The following NBAS variants were observed in gnomAD, a reference collection of about 807,000 sequenced individuals.
The protein encoded by NBAS is NAG/BC035112 fusion.
Under a neutral mutation model 302.5 loss-of-function variants are expected in NBAS, and 219 were observed. The ratio of observed to expected loss-of-function variants is 0.72; its 90% confidence interval spans 0.65 to 0.81. The LOEUF (loss-of-function observed/expected upper bound fraction) is 0.81. Ranked by LOEUF, NBAS falls within the 30% of genes least tolerant of loss-of-function variation. The probability of loss-of-function intolerance (pLI) is 0.00; values close to 1 mark genes in which losing one functional copy is unlikely to be tolerated. For synonymous variants in NBAS, 1,118 were observed against 1,021.6 expected, an observed-to-expected ratio of 1.09 and a Z score of -1.80; for missense variants, 2,932 against 2,841.6, an observed-to-expected ratio of 1.03 and a Z score of -0.72.
chr2:15,234,686 T>C lies in NBAS; in HGVS notation c.6005A>G (p.His2002Arg), dbSNP rs1041923869. Reference sequence around the variant, plus strand: ...TAAACAAATAGCCACAGCTTCATCATGAAGTTTCTCTTTTTCTGATCGGGA... The same window carrying C: ...TAAACAAATAGCCACAGCTTCATCACGAAGTTTCTCTTTTTCTGATCGGGA... Reference protein sequence around the residue: ...DLSRSEKEKLHDEAVAICLDG... With the variant: ...DLSRSEKEKLRDEAVAICLDG... The change falls in exon 46 of 52, where the codon CAT becomes CGT. Residue 2002 changes from histidine to arginine, a missense_variant. His to Arg is a conservative substitution (Grantham distance 29). Transcript: ENST00000281513. The C allele has an allele frequency of 3.1e-6, 5 of 1,614,084 alleles. No individual in the cohort carries two copies. The highest frequency in any genetic ancestry group is 1.6e-4 in the Middle Eastern group (1 of 6,084).
chr2:15,209,408 AGAG>A (rs1478840089), intron 48 of NBAS, among the ~76,000 whole-genome samples: 38 of 152,284 alleles, frequency 2.5e-4, no homozygotes, highest in Admixed American at 2.2e-3. Context: ...TCCAAACAAT[AGAG>A]GAGGAGGAAA....
intron 34 of NBAS, among the ~76,000 whole-genome samples, chr2:15,352,542 A>C (rs1673414019): frequency 6.6e-6 from 1 of 152,214 alleles, no homozygotes; most frequent in African/African-American, 2.4e-5. Context: ...CCTTTGGCTT[A>C]GAGCTTTACA....
At chr2:14,837,897 G>A in the NBAS span, among the ~76,000 whole-genome samples, 14 of 151,808 alleles carry the variant, frequency 9.2e-5, no homozygotes, top group South Asian at 2.1e-3. Flanking sequence ...ATTTACGCTA[G>A]TCTCCTACTG....
At chr2:15,310,913 A>G (rs1671245727) in intron 38 of NBAS, among the ~76,000 whole-genome samples, 1 of 152,212 alleles carries the variant, frequency 6.6e-6, no homozygotes, top group Non-Finnish European at 1.5e-5. Flanking sequence ...TTAGAACAAC[A>G]ACTACAACAA....
At chr2:14,811,038 A>G in the NBAS span, among the ~76,000 whole-genome samples, 1 of 152,172 alleles carries the variant, frequency 6.6e-6, no homozygotes, top group East Asian at 1.9e-4. Flanking sequence ...TTTCCCTGAC[A>G]TGGAGTGGGA....
At chr2:14,857,384 G>GA in the NBAS span, among the ~76,000 whole-genome samples, 6 of 151,234 alleles carry the variant, frequency 4.0e-5, no homozygotes, top group East Asian at 1.9e-4. Context: ...AAGCAAAAAA[G>GA]AAAAAAAATG....
Position 15,323,437 on chromosome 2 carries a change from GAGTTA to G in NBAS, c.4582+4308_4582+4312del, listed in dbSNP as rs531808418. Among the ~76,000 whole-genome samples, 111 of 152,322 alleles carry G rather than the reference GAGTTA, an allele frequency of 7.3e-4. No individual in the cohort carries two copies. In the South Asian group the frequency reaches 0.011, roughly 15 times the overall value. ...TGTGCTGCCTGGTGAGAAGCTCAGA[GAGTTA>G]AGTCTCAGTATGAAGAATGGACACA... On this transcript the variant is annotated intron_variant, in intron 38 of 51. Coordinates refer to ENST00000281513, the MANE Select transcript of NBAS (RefSeq NM_015909.4).
chr2:14,858,167 A>G, the NBAS span, among the ~76,000 whole-genome samples: 1 of 152,138 alleles, frequency 6.6e-6, no homozygotes, highest in African/African-American at 2.4e-5. Flanking sequence ...TCAGGCAATA[A>G]CAAATACTGG....
the NBAS span, among the ~76,000 whole-genome samples, chr2:15,114,931 G>C: frequency 7.2e-5 from 11 of 152,204 alleles, no homozygotes; most frequent in Admixed American, 2.6e-4. Flanking sequence ...AGCTAAAGGG[G>C]TTAGAAGTGG....
the NBAS span, among the ~76,000 whole-genome samples, chr2:15,011,029 T>C: frequency 1.3e-5 from 2 of 152,252 alleles, no homozygotes; most frequent in Non-Finnish European, 2.9e-5. Context: ...TTTATTGTTG[T>C]TGCTATTGTT....
intron 44 of NBAS, among the ~76,000 whole-genome samples, chr2:15,244,848 C>T (rs892505118): frequency 6.6e-6 from 1 of 152,088 alleles, no homozygotes; most frequent in Non-Finnish European, 1.5e-5. Context: ...ACATCTTATC[C>T]GCTTCTCTAT....
the NBAS span, among the ~76,000 whole-genome samples, chr2:15,111,158 G>T: frequency 6.6e-6 from 1 of 152,056 alleles, no homozygotes; most frequent in African/African-American, 2.4e-5. Flanking sequence ...CATAATGAGA[G>T]AAGTTACTAG....
chr2:15,005,301 T>C, the NBAS span, among the ~76,000 whole-genome samples: 1 of 152,200 alleles, frequency 6.6e-6, no homozygotes, highest in Non-Finnish European at 1.5e-5. Flanking sequence ...CTCCCCAACA[T>C]CCCTGGCAGC....
chr2:15,528,517 C>A, intron 9 of NBAS, among the ~76,000 whole-genome samples: 1 of 87,120 alleles, frequency 1.1e-5, no homozygotes, highest in Non-Finnish European at 2.8e-5. Context: ...TATATACACA[C>A]ACACACACAT....
chr2:15,276,080 T>C (rs1669570887), intron 43 of NBAS, among the ~76,000 whole-genome samples: 1 of 152,206 alleles, frequency 6.6e-6, no homozygotes, highest in Admixed American at 6.5e-5. Flanking sequence ...ACCCTAGAGA[T>C]GACAATATCT....
At chr2:15,446,223 T>G (rs954344217) in intron 21 of NBAS, among the ~76,000 whole-genome samples, 1 of 151,964 alleles carries the variant, frequency 6.6e-6, no homozygotes, top group Admixed American at 6.6e-5. Flanking sequence ...CCAACAAGAA[T>G]AAACTCAAAG....
At chr2:15,463,921 A>G (rs1019808589) in intron 19 of NBAS, among the ~76,000 whole-genome samples, 1 of 152,158 alleles carries the variant, frequency 6.6e-6, no homozygotes, top group South Asian at 2.1e-4. Context: ...TTAGACACAC[A>G]TACCTAAATA....
chr2:15,553,300 C>G, intron 5 of NBAS, 126 bp downstream of exon 5: 1 of 904,482 alleles, frequency 1.1e-6, no homozygotes, highest in Non-Finnish European at 1.7e-6. Context: ...TTGACACTCA[C>G]AAAATTAAGT....
At chr2:14,832,515 C>T in the NBAS span, among the ~76,000 whole-genome samples, 1 of 152,092 alleles carries the variant, frequency 6.6e-6, no homozygotes. Flanking sequence ...ATGCTTCACC[C>T]ACTAAGAACC....
Sources: allele counts gnomAD v4.1 joint callset (sites outside exome capture counted in the v4.1 genomes callset), GRCh38; gene constraint gnomAD v4.1.1; transcripts MANE v1.5; gene names NCBI Gene and HGNC (gene_info 2026-07-23, HGNC 2026-07-21).